GM2A: variants seen among roughly 807,000 people sequenced by gnomAD.
The protein encoded by GM2A is ganglioside GM2 activator.
Under a neutral mutation model 12.9 loss-of-function variants are expected in GM2A, and 7 were observed. That is an observed-to-expected ratio of 0.54 (90% CI 0.31 to 1.02). GM2A has a LOEUF of 1.02. GM2A is among the 50% of genes least tolerant of loss of function. The pLI is 0.05. For missense variants in GM2A, 246 were observed against 241.0 expected (o/e 1.02, Z -0.14); for synonymous variants, 101 against 96.0 (o/e 1.05, Z -0.30).
At position 151,267,815 on chromosome 5, in the gene GM2A, CTT is replaced by C. The variant is rs397712620; in HGVS notation, c.*375_*376del. ...TCTTTATGACTCTCTCTCTTTCACT[CTT>C]TTTTTTTTTTGTCACTAAGTTAAAA... On this transcript the variant is annotated 3_prime_UTR_variant, in exon 4 of 4. Transcript: ENST00000357164. 11,828 of 998,504 alleles carry C rather than the reference CTT, an allele frequency of 0.012. No individual in the cohort carries two copies. Among genetic ancestry groups the C allele is most frequent in the South Asian group, 0.033 (1,546 of 46,298 alleles). 61.9% of individuals were successfully genotyped at this position (998,504 alleles called of 1,614,324 possible).
chr5:151,253,997 A>C (rs990030131), intron 1 of GM2A, among the ~76,000 whole-genome samples: 15 of 152,196 alleles, frequency 9.9e-5, no homozygotes, highest in African/African-American at 3.6e-4. Context: ...TTTCAGATTC[A>C]ATCTATGTTG....
chr5:151,259,022 A>G (rs1753744997), intron 1 of GM2A, among the ~76,000 whole-genome samples: 2 of 152,098 alleles, frequency 1.3e-5, no homozygotes, highest in South Asian at 2.1e-4. Context: ...GTGGTGGTGG[A>G]ATCAGGAGAC....
At chr5:151,266,459 A>AAAAAAAG (rs1482799521) in intron 2 of GM2A, among the ~76,000 whole-genome samples, 1 of 151,980 alleles carries the variant, frequency 6.6e-6, no homozygotes, top group Non-Finnish European at 1.5e-5. Context: ...AAAAAAAAAA[A>AAAAAAAG]AAAGAATTCT....
chr5:151,257,227 G>A (rs931169358), intron 1 of GM2A, among the ~76,000 whole-genome samples: 7 of 152,088 alleles, frequency 4.6e-5, no homozygotes, highest in African/African-American at 1.7e-4. Context: ...GGTGGGCACT[G>A]CTAATCCATT....
At position 151,267,987 on chromosome 5, in the gene GM2A, G is replaced by T. The variant is rs151210034; in HGVS notation, c.*536G>T. On this transcript the variant is annotated 3_prime_UTR_variant, in exon 4 of 4. Transcript: ENST00000357164. ...TCTAGATTTGCCCAATTAATACTAGGGTGCAGTGTATCCTGGAGAGGTAGG... is the reference window on the plus strand; with the variant it reads ...TCTAGATTTGCCCAATTAATACTAGTGTGCAGTGTATCCTGGAGAGGTAGG... 2,198 of 1,112,926 alleles carry T rather than the reference G, an allele frequency of 2.0e-3. 35 individuals carry two copies. In the African/African-American group the frequency reaches 0.033, roughly 17 times the overall value. 68.9% of individuals were successfully genotyped at this position (1,112,926 alleles called of 1,614,324 possible). A position where few individuals can be genotyped will look rare whatever the true frequency, so the allele number is the denominator to read the frequency against.
chr5:151,266,296 A>T (rs1753883360), intron 2 of GM2A, among the ~76,000 whole-genome samples: 1 of 152,018 alleles, frequency 6.6e-6, no homozygotes, highest in Admixed American at 6.6e-5. Context: ...CTGGGCAACA[A>T]AGTGAGACCC....
At chr5:151,257,507 A>G (rs1020516821) in intron 1 of GM2A, among the ~76,000 whole-genome samples, 11 of 151,996 alleles carry the variant, frequency 7.2e-5, no homozygotes, top group Admixed American at 1.3e-4. Context: ...TCCTGCTCCT[A>G]TGTTGCCCTC....
In GM2A at chr5:151,258,047, T is replaced by C. The variant is rs141865818; in HGVS notation, c.82-1708T>C. On this transcript the variant is annotated intron_variant, in intron 1 of 3. Transcript: ENST00000357164. ...GCACTTAGCCCAGGGCCTATCATCA[T>C]TGCTCCATAAATATTTGTGGAATGA... Among the ~76,000 whole-genome samples the C allele has an allele frequency of 2.8e-3, 426 of 152,382 alleles. 3 individuals carry two copies. Among genetic ancestry groups the C allele is most frequent in the African/African-American group, 9.9e-3 (413 of 41,598 alleles).
chr5:151,254,947 A>G (rs1470596246), intron 1 of GM2A, among the ~76,000 whole-genome samples: 1 of 152,218 alleles, frequency 6.6e-6, no homozygotes, highest in Non-Finnish European at 1.5e-5. Context: ...AACAACTAAG[A>G]GAATACATTT....
intron 1 of GM2A, among the ~76,000 whole-genome samples, chr5:151,258,566 C>T (rs73796649): frequency 0.02 from 3,112 of 152,260 alleles, 99 homozygotes; most frequent in African/African-American, 0.069. Context: ...CCCTTTTCCA[C>T]AGACCAACAG....
chr5:151,253,220 C>A lies in GM2A; in HGVS notation c.4C>A (p.Gln2Lys). The change falls in exon 1 of 4, where the codon CAG becomes AAG. Residue 2 changes from glutamine (Q) to lysine (K), a missense_variant. Physicochemically the swap from Gln to Lys is moderately conservative, Grantham distance 53. Transcript: ENST00000357164. ...CCGCCCTGACCCACCCTTCCCGATG[C>A]AGTCCCTGATGCAGGCTCCCCTCCT... M[Q>K]SLMQAPLLIA... is the part of the protein sequence containing the mutation. 6.2e-7 allele frequency: 1 copy of A among 1,613,294 alleles called. No homozygotes were observed. The highest frequency in any genetic ancestry group is 8.5e-7 in the Non-Finnish European group (1 of 1,179,236).
intron 3 of GM2A, 154 bp from the exon 4 acceptor site, chr5:151,267,142 C>T (rs1753902419): frequency 3.0e-6 from 3 of 985,104 alleles, no homozygotes; most frequent in Admixed American, 2.0e-5. Flanking sequence ...ATAATCCATG[C>T]TCTACAGTGC....
intron 1 of GM2A, among the ~76,000 whole-genome samples, chr5:151,257,785 C>T (rs1042374582): frequency 6.6e-6 from 1 of 152,232 alleles, no homozygotes; most frequent in African/African-American, 2.4e-5. Flanking sequence ...GGGCCTTTGC[C>T]TGAGTTCCCT....
chr5:151,254,857 T>A (rs1753654800), intron 1 of GM2A, among the ~76,000 whole-genome samples: 1 of 152,218 alleles, frequency 6.6e-6, no homozygotes, highest in Non-Finnish European at 1.5e-5. Flanking sequence ...TTCTACTGAA[T>A]ATTTATCACT....
chr5:151,259,655 A>T, intron 1 of GM2A, 100 bp from the exon 2 acceptor site: 1 of 1,115,326 alleles, frequency 9.0e-7, no homozygotes, highest in East Asian at 2.5e-5. Flanking sequence ...TGCCTCACCC[A>T]AGGTCACTCT....
intron 1 of GM2A, among the ~76,000 whole-genome samples, chr5:151,259,159 A>G (rs1753747015): frequency 6.6e-6 from 1 of 152,126 alleles, no homozygotes; most frequent in Non-Finnish European, 1.5e-5. Flanking sequence ...TCCACTGGGG[A>G]TTATTCATCA....
chr5:151,263,983 G>A (rs532335269), intron 2 of GM2A, among the ~76,000 whole-genome samples: 1 of 152,246 alleles, frequency 6.6e-6, no homozygotes, highest in Non-Finnish European at 1.5e-5. Flanking sequence ...GCCTGCTCAG[G>A]AGCTCCCTTT....
rs1401418304 is a variant in GM2A at position 151,269,273 on chromosome 5, C to A, written c.*1822C>A. ...CCCCTTGCCTTGGCTGCATATTTCA[C>A]TGATCACATCTCAGGATTTCAAAAG... On this transcript the variant is annotated 3_prime_UTR_variant, in exon 4 of 4. Coordinates refer to ENST00000357164, the MANE Select transcript of GM2A (RefSeq NM_000405.5). The A allele has an allele frequency of 6.1e-6, 6 of 985,452 alleles. No individual in the cohort carries two copies. The highest frequency in any genetic ancestry group is 7.2e-6 in the Non-Finnish European group (6 of 829,960). The allele number at this position is 985,452 out of a possible 1,614,324, so 61.0% of individuals were successfully genotyped here. A position where few individuals can be genotyped will look rare whatever the true frequency, so the allele number is the denominator to read the frequency against.
chr5:151,256,403 A>G (rs1196751105), intron 1 of GM2A, among the ~76,000 whole-genome samples: 1 of 152,090 alleles, frequency 6.6e-6, no homozygotes, highest in African/African-American at 2.4e-5. Flanking sequence ...GTTTGAGACC[A>G]ACCTGAACCT....
Sources: gnomAD v4.1 joint callset for allele counts (sites outside exome capture counted in the v4.1 genomes callset) on GRCh38, gnomAD v4.1.1 for gene constraint, MANE v1.5 for transcripts, NCBI Gene and HGNC (gene_info 2026-07-23, HGNC 2026-07-21) for gene names.